ZNF462: variants seen among roughly 807,000 people sequenced by gnomAD.
The protein encoded by ZNF462 is zinc finger PBX1-interacting protein.
ZNF462 carries 10 observed loss-of-function variants against 201.9 expected under a neutral mutation model. The observed-to-expected ratio is 0.05, with a 90% CI of 0.03 to 0.08. The LOEUF is 0.08. ZNF462 is among the 10% of genes least tolerant of loss of function. The pLI is 1.00. For synonymous variants in ZNF462, 1,227 were observed against 1,193.3 expected (o/e 1.03, Z -0.58); for missense variants, 2,523 against 3,168.3 (o/e 0.80, Z 4.89).
At chr9:106,873,205 T>G (rs1827672978) in intron 1 of ZNF462, among the ~76,000 whole-genome samples, 1 of 152,202 alleles carries the variant, frequency 6.6e-6, no homozygotes, top group African/African-American at 2.4e-5. Flanking sequence ...TTGTAATATA[T>G]TATTTGATAT....
At chr9:106,903,226 T>C (rs898669006) in intron 1 of ZNF462, among the ~76,000 whole-genome samples, 3 of 152,186 alleles carry the variant, frequency 2.0e-5, no homozygotes, top group Admixed American at 6.5e-5. Context: ...TCCATGTATT[T>C]TCATGGTTTG....
At chr9:106,869,131 A>G (rs1827476191) in intron 1 of ZNF462, among the ~76,000 whole-genome samples, 1 of 152,198 alleles carries the variant, frequency 6.6e-6, no homozygotes, top group Non-Finnish European at 1.5e-5. Flanking sequence ...AGTGCCCACA[A>G]TTGGACTCTG....
chr9:106,967,570 A>C lies in ZNF462; in HGVS notation c.6428-4435A>C, dbSNP rs193194687. ...GAGAGGGTTAGGACATCCCATTTAGAATTCAGCCCTTACCTGGTTTGAAAT... is the reference window on the plus strand; with the variant it reads ...GAGAGGGTTAGGACATCCCATTTAGCATTCAGCCCTTACCTGGTTTGAAAT... On this transcript the variant is annotated intron_variant, in intron 7 of 12. Transcript: ENST00000277225. Among the ~76,000 whole-genome samples the C allele has an allele frequency of 2.0e-3, 302 of 152,252 alleles. 1 individual carries two copies. The highest frequency in any genetic ancestry group is 6.9e-3 in the African/African-American group (288 of 41,570).
At chr9:106,873,416 C>CTTT (rs551556868) in intron 1 of ZNF462, among the ~76,000 whole-genome samples, 13 of 145,458 alleles carry the variant, frequency 8.9e-5, no homozygotes, top group South Asian at 2.2e-4. Flanking sequence ...ATGCTGGTGA[C>CTTT]TTTTTTTTTT....
chr9:106,934,246 C>T (rs1051258783), intron 5 of ZNF462, among the ~76,000 whole-genome samples: 1 of 147,296 alleles, frequency 6.8e-6, no homozygotes, highest in Non-Finnish European at 1.5e-5. Flanking sequence ...TATGTAATGG[C>T]TGAGATTTTA....
In ZNF462 at chr9:106,888,636, C is replaced by T. The variant is rs567734849; in HGVS notation, c.-31+25281C>T. ...TCAGATAGCTCCGTATATGCAGTGC[C>T]ACTGTGGTCTGTTGCCATTGGCTAC... On this transcript the variant is annotated intron_variant, in intron 1 of 12. Transcript: ENST00000277225. 3.3e-5 allele frequency among the ~76,000 whole-genome samples: 5 copies of T among 152,268 alleles called. No individual in the cohort carries two copies. The South Asian group carries it at 1.0e-3, about 32-fold the overall frequency.
chr9:106,928,587 T>C lies in ZNF462; in HGVS notation c.4675T>C (p.Ser1559Pro). 3 of 1,613,986 alleles carry C rather than the reference T, an allele frequency of 1.9e-6. No homozygotes were observed. Among genetic ancestry groups the C allele is most frequent in the Non-Finnish European group, 2.5e-6 (3 of 1,180,004 alleles). Residue 1559 changes from serine (S) to proline (P), a missense_variant, in exon 3 of 13, where the codon TCC becomes CCC. By Grantham distance (74) the Ser-to-Pro change is moderately conservative (BLOSUM62 -1). Coordinates refer to ENST00000277225, the MANE Select transcript of ZNF462 (RefSeq NM_021224.6). The surrounding 1 kb of genome is among the most constrained non-coding windows in gnomAD (Gnocchi z 9.3). ...VHDVEQSADISQNDVEETSRI... is the reference protein window; with the variant it reads ...VHDVEQSADIPQNDVEETSRI... ...CGACGTAGAGCAGTCTGCTGACATA[T>C]CCCAGAATGACGTGGAGGAGACGAG...
chr9:106,864,084 CTCTCTCTCTCT>C, intron 1 of ZNF462, among the ~76,000 whole-genome samples: 1 of 138,632 alleles, frequency 7.2e-6, no homozygotes, highest in African/African-American at 2.7e-5. Context: ...CTCTCTCTCT[CTCTCTCTCTCT>C]CTCTCTCTCT....
At position 106,935,642 on chromosome 9, in the gene ZNF462, G is replaced by A. The variant is rs761895911; in HGVS notation, c.6235+21G>A. ...TGCTGGTGAGTTGTGCATTGATGAT[G>A]CACAAGTTCTTTAGCACTCTCTGAG... On this transcript the variant is annotated intron_variant, in intron 6 of 12. Coordinates refer to ENST00000277225, the MANE Select transcript of ZNF462 (RefSeq NM_021224.6). The surrounding 1 kb of genome is among the most constrained non-coding windows in gnomAD (Gnocchi z 4.1). 1.9e-6 allele frequency: 3 copies of A among 1,591,140 alleles called. No individual in the cohort carries two copies. The highest frequency in any genetic ancestry group is 2.6e-6 in the Non-Finnish European group (3 of 1,159,466).
chr9:106,860,369 C>T (rs1712527514), upstream of ZNF462, among the ~76,000 whole-genome samples: 1 of 152,158 alleles, frequency 6.6e-6, no homozygotes, highest in African/African-American at 2.4e-5. This position sits in a 1 kb window ranked among gnomAD's most constrained non-coding sequence, Gnocchi z 7.1. Flanking sequence ...GCAAAAGGCT[C>T]CTCCCCAGGG....
intron 7 of ZNF462, among the ~76,000 whole-genome samples, chr9:106,943,055 CGCGCGTGTGT>C (rs1830944250): frequency 1.2e-5 from 1 of 81,186 alleles, no homozygotes; most frequent in African/African-American, 5.4e-5. Flanking sequence ...TTGTTTTGCG[CGCGCGTGTGT>C]GTGTGTGTGT....
chr9:106,911,130 A>C (rs2131303769), intron 1 of ZNF462, among the ~76,000 whole-genome samples: 1 of 152,356 alleles, frequency 6.6e-6, no homozygotes, highest in East Asian at 1.9e-4. Flanking sequence ...TATCAGTATC[A>C]GCACTTGAAG....
intron 1 of ZNF462, among the ~76,000 whole-genome samples, chr9:106,878,673 A>G (rs775302320): frequency 5.3e-5 from 8 of 152,154 alleles, no homozygotes; most frequent in Non-Finnish European, 8.8e-5. Flanking sequence ...GCCACATTCA[A>G]ATAGCCTGGA....
intron 1 of ZNF462, among the ~76,000 whole-genome samples, chr9:106,882,715 G>T (rs1285370733): frequency 6.6e-6 from 1 of 152,124 alleles, no homozygotes; most frequent in African/African-American, 2.4e-5. Context: ...ATTCAAACTC[G>T]AATATTCAGT....
Position 106,932,561 on chromosome 9 carries a change from T to TG in ZNF462, c.6116+18dup, listed in dbSNP as rs1830466756. ...GCTTTCAGGCACAAGTAAGTGCTAT[T>TG]GGGGGGTCACTAGTGGTTACTGGGA... On this transcript the variant is annotated intron_variant, in intron 5 of 12. Coordinates refer to ENST00000277225, the MANE Select transcript of ZNF462 (RefSeq NM_021224.6). This position sits in a 1 kb window ranked among gnomAD's most constrained non-coding sequence, Gnocchi z 6.8. The TG allele has an allele frequency of 1.9e-6, 3 of 1,614,182 alleles. No homozygotes were observed. Among genetic ancestry groups the TG allele is most frequent in the East Asian group, 2.2e-5 (1 of 44,878 alleles).
intron 7 of ZNF462, among the ~76,000 whole-genome samples, chr9:106,961,747 A>T (rs1227539797): frequency 2.0e-5 from 3 of 151,918 alleles, no homozygotes; most frequent in Non-Finnish European, 4.4e-5. Context: ...ATACAGCATG[A>T]TATGTAGTAG....
Position 106,928,484 on chromosome 9 carries a change from C to T in ZNF462, c.4572C>T (p.Asn1524=), listed in dbSNP as rs1157641691. The change falls in exon 3 of 13, where the codon AAC becomes AAT. Residue 1524 remains asparagine (N), a synonymous_variant. Coordinates refer to ENST00000277225, the MANE Select transcript of ZNF462 (RefSeq NM_021224.6). This position sits in a 1 kb window ranked among gnomAD's most constrained non-coding sequence, Gnocchi z 9.3. ...AATGCAGGCATTGCCCATACATCAA[C>T]ACCCGCATCCACGGCGTACTGACCC... is the stretch of plus-strand genomic sequence containing the variant. ...VYKCRHCPYI[N]TRIHGVLTHY... 2.5e-6 allele frequency: 4 copies of T among 1,614,126 alleles called. No individual in the cohort carries two copies. Among genetic ancestry groups the T allele is most frequent in the African/African-American group, 2.7e-5 (2 of 75,030 alleles).
chr9:106,885,531 C>G lies in ZNF462; in HGVS notation c.-31+22176C>G, dbSNP rs1828279753. ...TAAAGTTATTTTGAGGAGTTGGACA[C>G]TACCTACTAGGTTCCTAATGCTTAC... On this transcript the variant is annotated intron_variant, in intron 1 of 12. Coordinates refer to ENST00000277225, the MANE Select transcript of ZNF462 (RefSeq NM_021224.6). The surrounding 1 kb of genome is among the most constrained non-coding windows in gnomAD (Gnocchi z 4.1). Among the ~76,000 whole-genome samples the G allele has an allele frequency of 2.6e-5, 4 of 152,158 alleles. No homozygotes were observed. The highest frequency in any genetic ancestry group is 9.7e-5 in the African/African-American group (4 of 41,438).
rs767615488 is a variant in ZNF462, at chr9:106,962,116, A to G, written c.6428-9889A>G. 2.0e-5 allele frequency among the ~76,000 whole-genome samples: 3 copies of G among 151,972 alleles called. No homozygotes were observed. Among genetic ancestry groups the G allele is most frequent in the Non-Finnish European group, 4.4e-5 (3 of 67,958 alleles). On this transcript the variant is annotated intron_variant, in intron 7 of 12. Transcript: ENST00000277225. This position sits in a 1 kb window ranked among gnomAD's most constrained non-coding sequence, Gnocchi z 4.6. ...GATCACATTTGCATTTTAGAAAAGA[A>G]AGGAATCATAGGGGGAGAAGAAACT...
Sources: gnomAD v4.1 joint callset for allele counts (sites outside exome capture counted in the v4.1 genomes callset) on GRCh38, gnomAD v4.1.1 for gene constraint, Gnocchi (gnomAD v3.1) non-coding constraint, MANE v1.5 for transcripts, NCBI Gene and HGNC (gene_info 2026-07-23, HGNC 2026-07-21) for gene names.